CAMK2D: variants seen among roughly 807,000 people sequenced by gnomAD.
CAMK2D encodes calcium/calmodulin-dependent protein kinase type II subunit delta.
Under a neutral mutation model 84.0 loss-of-function variants are expected in CAMK2D, and 37 were observed. The ratio of observed to expected loss-of-function variants is 0.44; its 90% CI spans 0.34 to 0.58. The LOEUF is 0.58. Ranked by LOEUF, CAMK2D falls within the 20% of genes least tolerant of loss-of-function variation. The pLI, the probability that CAMK2D is intolerant of heterozygous loss-of-function variation, is 0.02. For missense variants in CAMK2D, 448 were observed against 652.5 expected (o/e 0.69, Z 3.41); for synonymous variants, 202 against 212.5 (o/e 0.95, Z 0.43).
rs533794241 is a variant in CAMK2D, at chr4:113,737,734, T to A, written c.160+21586A>T. Among the ~76,000 whole-genome samples the A allele has an allele frequency of 7.9e-5, 12 of 152,312 alleles. No individual in the cohort carries two copies. In the South Asian group the frequency reaches 2.5e-3, roughly 32 times the overall value. ...TATTTTTGTTAAGGCATAATAGCAT[T>A]TTTATAATGCTTTAGTAATCATTTC... On this transcript the variant is annotated intron_variant, in intron 2 of 20. Transcript: ENST00000511664.
chr4:113,668,244 C>T (rs996141102), intron 2 of CAMK2D, among the ~76,000 whole-genome samples: 9 of 152,068 alleles, frequency 5.9e-5, no homozygotes, highest in East Asian at 5.8e-4. Flanking sequence ...AAACCCATAA[C>T]GAAGGTCCCT....
At chr4:113,701,247 G>A (rs986138540) in intron 2 of CAMK2D, among the ~76,000 whole-genome samples, 3 of 152,152 alleles carry the variant, frequency 2.0e-5, no homozygotes, top group Non-Finnish European at 4.4e-5. Flanking sequence ...GGCTATTCAG[G>A]TCATTAATCT....
chr4:113,734,011 T>C (rs1453961089), intron 2 of CAMK2D, among the ~76,000 whole-genome samples: 3 of 152,178 alleles, frequency 2.0e-5, no homozygotes, highest in Non-Finnish European at 4.4e-5. Context: ...ATTATTTCCA[T>C]GTTAAAATAT....
intron 2 of CAMK2D, among the ~76,000 whole-genome samples, chr4:113,663,765 A>G (rs1592687666): frequency 6.6e-6 from 1 of 151,702 alleles, no homozygotes; most frequent in Non-Finnish European, 1.5e-5. Context: ...AATAAAGAAT[A>G]AAAAGGAAGC....
chr4:113,759,456 A>C, intron 1 of CAMK2D, 42 bp from the exon 2 acceptor site: 2 of 1,156,522 alleles, frequency 1.7e-6, no homozygotes, highest in Non-Finnish European at 1.2e-6. Context: ...TAACAGATAT[A>C]ATATTTCATT....
chr4:113,619,323 T>A (rs1328060027), intron 3 of CAMK2D, among the ~76,000 whole-genome samples: 1 of 152,176 alleles, frequency 6.6e-6, no homozygotes, highest in Non-Finnish European at 1.5e-5. Flanking sequence ...TCTGTGTTTC[T>A]ACCCTGCCCT....
chr4:113,758,362 C>T (rs2099633339), intron 2 of CAMK2D, among the ~76,000 whole-genome samples: 1 of 152,098 alleles, frequency 6.6e-6, no homozygotes, highest in South Asian at 2.1e-4. Flanking sequence ...AAAAACTAAT[C>T]ATGGCAGAGA....
chr4:113,749,323 G>C (rs534169296), intron 2 of CAMK2D, among the ~76,000 whole-genome samples: 188 of 111,638 alleles, frequency 1.7e-3, no homozygotes, highest in Non-Finnish European at 2.5e-3. Flanking sequence ...GAGAACACAA[G>C]TAAGTGCTTT....
rs147354726 is a variant in CAMK2D, at chr4:113,663,723, T to C, written c.161-1951A>G. The stretch of plus-strand genomic sequence containing the variant: ...GAACTATGTGATTTTTTTATATATA[T>C]AAATCATCTGAAAAATATATAATTA... On this transcript the variant is annotated intron_variant, in intron 2 of 20. Coordinates refer to ENST00000511664, the MANE Select transcript of CAMK2D (RefSeq NM_001321571.2). Among the ~76,000 whole-genome samples the C allele has an allele frequency of 4.0e-4, 60 of 151,092 alleles. No homozygotes were observed. In the East Asian group the frequency reaches 0.011, roughly 29 times the overall value.
chr4:113,709,295 T>G (rs1431573260), intron 2 of CAMK2D, among the ~76,000 whole-genome samples: 1 of 152,046 alleles, frequency 6.6e-6, no homozygotes, highest in Non-Finnish European at 1.5e-5. Flanking sequence ...TCCAGATAAA[T>G]TAAGATTATC....
At chr4:113,473,865 G>A (rs917460388) in intron 16 of CAMK2D, among the ~76,000 whole-genome samples, 2 of 151,832 alleles carry the variant, frequency 1.3e-5, no homozygotes, top group Non-Finnish European at 2.9e-5. Context: ...TAGTTTGCAA[G>A]GATATCACGG....
intron 2 of CAMK2D, chr4:113,679,399 T>C (rs1199829295): frequency 6.2e-5 from 57 of 918,494 alleles, no homozygotes; most frequent in Non-Finnish European, 7.2e-5. Flanking sequence ...TTTTAAATAC[T>C]TGCCTCTCCC....
chr4:113,525,492 T>C (rs1227027667), intron 8 of CAMK2D, among the ~76,000 whole-genome samples: 1 of 152,180 alleles, frequency 6.6e-6, no homozygotes, highest in Non-Finnish European at 1.5e-5. Flanking sequence ...AAGGCTATGT[T>C]CTTGCTTCAT....
intron 16 of CAMK2D, among the ~76,000 whole-genome samples, chr4:113,498,694 CATT>C (rs533776454): frequency 9.9e-5 from 15 of 152,204 alleles, no homozygotes; most frequent in African/African-American, 3.1e-4. Flanking sequence ...AAACCCATAT[CATT>C]GTTATGATTT....
intron 8 of CAMK2D, among the ~76,000 whole-genome samples, chr4:113,520,095 T>C (rs2098336509): frequency 6.6e-6 from 1 of 152,164 alleles, no homozygotes; most frequent in Non-Finnish European, 1.5e-5. Context: ...TCTAAACAAA[T>C]GCTTATTTTA....
At chr4:113,628,046 TC>T (rs2099075038) in intron 3 of CAMK2D, among the ~76,000 whole-genome samples, 1 of 151,152 alleles carries the variant, frequency 6.6e-6, no homozygotes, top group Non-Finnish European at 1.5e-5. Context: ...AGAACTACTA[TC>T]AAGATAACTG....
intron 2 of CAMK2D, among the ~76,000 whole-genome samples, chr4:113,700,473 C>T (rs535513684): frequency 6.6e-6 from 1 of 152,276 alleles, no homozygotes; most frequent in Non-Finnish European, 1.5e-5. Context: ...TTGTGCCACA[C>T]TTCCCAACCT....
At chr4:113,711,279 T>A (rs547907380) in intron 2 of CAMK2D, among the ~76,000 whole-genome samples, 1 of 151,832 alleles carries the variant, frequency 6.6e-6, no homozygotes, top group East Asian at 1.9e-4. Flanking sequence ...GTTTAGAAGT[T>A]CCCAACTTAT....
At chr4:113,465,976 G>C (rs1156551256) in intron 16 of CAMK2D, among the ~76,000 whole-genome samples, 1 of 152,064 alleles carries the variant, frequency 6.6e-6, no homozygotes. Context: ...CTAAGGCTGG[G>C]CAAAGTGGCT....
Sources: gnomAD v4.1 joint callset for allele counts (sites outside exome capture counted in the v4.1 genomes callset) on GRCh38, gnomAD v4.1.1 for gene constraint, MANE v1.5 for transcripts, NCBI Gene and HGNC (gene_info 2026-07-23, HGNC 2026-07-21) for gene names.